Variants in SLAIN1 observed in about 807,000 individuals in gnomAD.
The protein encoded by SLAIN1 is SLAIN family member 1, also known as SLAIN motif-containing protein 1.
In SLAIN1, 17 loss-of-function variants were observed where a neutral mutation model predicts 55.4. The ratio of observed to expected loss-of-function variants is 0.31; its 90% CI spans 0.21 to 0.46. SLAIN1 has a LOEUF of 0.46. SLAIN1 is among the 20% of genes least tolerant of loss of function. The probability of loss-of-function intolerance (pLI) is 1.00; values close to 1 mark genes in which losing one functional copy is unlikely to be tolerated. For synonymous variants in SLAIN1, 348 were observed against 337.4 expected (o/e 1.03, Z -0.35); for missense variants, 682 against 785.1 (o/e 0.87, Z 1.57).
At chr13:77,712,510 G>A (rs937514470) in intron 1 of SLAIN1, among the ~76,000 whole-genome samples, 10 of 152,142 alleles carry the variant, frequency 6.6e-5, no homozygotes, top group Non-Finnish European at 1.3e-4. Context: ...CACAAGAAAT[G>A]TGAAGGACGT....
At chr13:77,712,994 AC>A (rs750903651) in intron 1 of SLAIN1, among the ~76,000 whole-genome samples, 133 of 152,322 alleles carry the variant, frequency 8.7e-4, no homozygotes, top group Non-Finnish European at 1.6e-3. Flanking sequence ...TGCTGGGAAA[AC>A]TGGCTAGCCA....
At chr13:77,713,564 C>T (rs1329617267) in intron 1 of SLAIN1, among the ~76,000 whole-genome samples, 2 of 152,174 alleles carry the variant, frequency 1.3e-5, no homozygotes, top group African/African-American at 4.8e-5. Context: ...CACTTTTACA[C>T]TGTTGGTGGG....
intron 1 of SLAIN1, among the ~76,000 whole-genome samples, chr13:77,708,975 G>T (rs902792396): frequency 5.9e-5 from 9 of 151,960 alleles, no homozygotes; most frequent in Non-Finnish European, 1.5e-5. Flanking sequence ...CCGAGCTAAA[G>T]GAGCATGTTC....
At chr13:77,740,237 C>G (rs964535542) in intron 2 of SLAIN1, among the ~76,000 whole-genome samples, 1 of 151,940 alleles carries the variant, frequency 6.6e-6, no homozygotes, top group Non-Finnish European at 1.5e-5. Flanking sequence ...ACATTCAGAA[C>G]AGGTTTGCTC....
intron 1 of SLAIN1, among the ~76,000 whole-genome samples, chr13:77,710,061 C>T (rs148742420): frequency 3.3e-5 from 5 of 152,056 alleles, no homozygotes; most frequent in East Asian, 1.9e-4. Context: ...TGTGAGCCAC[C>T]GCATCTGGCC....
At position 77,761,542 on chromosome 13, in the gene SLAIN1, C is replaced by A. The variant is rs188661014; in HGVS notation, c.1697+432C>A. ...TATCCCCGATGCCAAGAACTATGCCCAATACAGGTAGGATCTCAAATATTT... is the reference window on the plus strand; with the variant it reads ...TATCCCCGATGCCAAGAACTATGCCAAATACAGGTAGGATCTCAAATATTT... On this transcript the variant is annotated intron_variant, in intron 6 of 6. Coordinates refer to ENST00000418532, the MANE Select transcript of SLAIN1 (RefSeq NM_001242868.2). Among the ~76,000 whole-genome samples the A allele has an allele frequency of 1.8e-3, 279 of 152,218 alleles. 1 individual carries two copies. Among genetic ancestry groups the A allele is most frequent in the Non-Finnish European group, 2.8e-3 (190 of 68,006 alleles).
chr13:77,752,805 C>T (rs184941610), intron 4 of SLAIN1, among the ~76,000 whole-genome samples: 1 of 152,286 alleles, frequency 6.6e-6, no homozygotes, highest in Admixed American at 6.5e-5. Flanking sequence ...AAGTCTGCTC[C>T]TTCTGCATTC....
At chr13:77,718,098 G>GA (rs758491461) in intron 1 of SLAIN1, among the ~76,000 whole-genome samples, 45 of 146,622 alleles carry the variant, frequency 3.1e-4, no homozygotes, top group East Asian at 2.4e-3. Flanking sequence ...ACACTCTAAG[G>GA]AAAAAAAAAA....
At chr13:77,707,786 C>T (rs1380144879) in intron 1 of SLAIN1, among the ~76,000 whole-genome samples, 1 of 152,140 alleles carries the variant, frequency 6.6e-6, no homozygotes, top group Non-Finnish European at 1.5e-5. Context: ...TGTGGACTTC[C>T]ATTTAATGTT....
rs1351744773 is a variant in SLAIN1 at position 77,764,132 on chromosome 13, G to A, written c.*912G>A. The A allele has an allele frequency of 2.0e-5, 3 of 152,542 alleles. No homozygotes were observed. Among genetic ancestry groups the A allele is most frequent in the Admixed American group, 2.0e-4 (3 of 15,282 alleles). 9.4% of individuals were successfully genotyped at this position (152,542 alleles called of 1,614,324 possible). On this transcript the variant is annotated 3_prime_UTR_variant, in exon 7 of 7. Coordinates refer to ENST00000418532, the MANE Select transcript of SLAIN1 (RefSeq NM_001242868.2). ...GATAGACCTTTTACAAAATCCATTT[G>A]CACTAATGAATGCTTTCTTATGGCA... is the stretch of plus-strand genomic sequence containing the variant.
intron 1 of SLAIN1, among the ~76,000 whole-genome samples, chr13:77,711,531 G>C (rs1291525599): frequency 6.6e-6 from 1 of 152,144 alleles, no homozygotes; most frequent in Non-Finnish European, 1.5e-5. Context: ...CCAGGAAGAA[G>C]TCGAATCCCT....
rs1325323001 is a variant in SLAIN1 at position 77,698,115 on chromosome 13, G to T, written c.202G>T (p.Ala68Ser). Reference protein sequence around the residue: ...HLLLLPPPPPAAPPPAGLQPL... With the variant: ...HLLLLPPPPPSAPPPAGLQPL... ...GCTGCTGCTGCCGCCGCCGCCGCCC[G>T]CCGCGCCGCCCCCCGCTGGCCTGCA... Residue 68 changes from alanine to serine, a missense_variant, in exon 1 of 7, where the codon GCC becomes TCC. Around this residue, in one of 3 missense-constraint regions of SLAIN1, gnomAD observed 401 missense variants for 417.3 expected, o/e 0.96. Transcript: ENST00000418532. The surrounding 1 kb of genome is among the most constrained non-coding windows in gnomAD (Gnocchi z 4.1). The T allele has an allele frequency of 9.9e-7, 1 of 1,008,260 alleles. No homozygotes were observed. The highest frequency in any genetic ancestry group is 1.1e-6 in the Non-Finnish European group (1 of 872,340). 62.5% of individuals were successfully genotyped at this position (1,008,260 alleles called of 1,614,324 possible).
intron 1 of SLAIN1, chr13:77,699,036 A>T (rs2091003879): frequency 6.5e-7 from 1 of 1,535,320 alleles, no homozygotes; most frequent in Non-Finnish European, 8.7e-7. Context: ...CCGCGCAGTG[A>T]TGGATCTCTC....
At chr13:77,740,900 A>C (rs559459716) in intron 2 of SLAIN1, among the ~76,000 whole-genome samples, 15 of 152,136 alleles carry the variant, frequency 9.9e-5, no homozygotes, top group African/African-American at 3.6e-4. Context: ...CTAGTGGAGC[A>C]TTATTGTTTT....
In SLAIN1 at chr13:77,698,098, TGCCGCCGCC is replaced by T; in HGVS notation, c.192_200del (p.Pro65_Pro67del). 8.8e-7 allele frequency: 1 copy of T among 1,131,716 alleles called. No homozygotes were observed. Among genetic ancestry groups the T allele is most frequent in the Non-Finnish European group, 1.1e-6 (1 of 927,494 alleles). 70.1% of individuals were successfully genotyped at this position (1,131,716 alleles called of 1,614,324 possible). On this transcript the variant is annotated inframe_deletion, in exon 1 of 7. Coordinates refer to ENST00000418532, the MANE Select transcript of SLAIN1 (RefSeq NM_001242868.2). The surrounding 1 kb of genome is among the most constrained non-coding windows in gnomAD (Gnocchi z 4.1). ...GCCGCCGCCCCGCACCTGCTGCTGC[TGCCGCCGCC>T]GCCGCCCGCCGCGCCGCCCCCCGCT...
chr13:77,755,762 A>G (rs1244033891), intron 5 of SLAIN1, among the ~76,000 whole-genome samples: 1 of 152,212 alleles, frequency 6.6e-6, no homozygotes, highest in Non-Finnish European at 1.5e-5. Flanking sequence ...TATAAAAATC[A>G]TCATTTCTAA....
In SLAIN1 at chr13:77,697,922, G is replaced by T; in HGVS notation, c.9G>T (p.Ala3=). 1 of 1,410,684 alleles carries T rather than the reference G, an allele frequency of 7.1e-7. No homozygotes were observed. The allele number at this position is 1,410,684 out of a possible 1,614,324, so 87.4% of individuals were successfully genotyped here. Reference sequence around the variant, plus strand: ...CGCCCTCGGGGCCCACGATGATGGCGGAGCAGGTGAAATGCGCCTCGGCAG... The same window carrying T: ...CGCCCTCGGGGCCCACGATGATGGCTGAGCAGGTGAAATGCGCCTCGGCAG... MM[A]EQVKCASAGV... The change falls in exon 1 of 7, where the codon GCG becomes GCT. Residue 3 remains alanine (A), a synonymous_variant. Coordinates refer to ENST00000418532, the MANE Select transcript of SLAIN1 (RefSeq NM_001242868.2).
intron 2 of SLAIN1, among the ~76,000 whole-genome samples, chr13:77,732,294 A>G (rs1162522856): frequency 6.6e-6 from 1 of 152,148 alleles, no homozygotes; most frequent in African/African-American, 2.4e-5. Flanking sequence ...GAAGACTCTT[A>G]GTAAAAATCT....
rs1275243202 is a variant in SLAIN1 at position 77,763,149 on chromosome 13, C to A, written c.1702C>A (p.Leu568Ile). 1 of 1,613,574 alleles carries A rather than the reference C, an allele frequency of 6.2e-7. No homozygotes were observed. Among genetic ancestry groups the A allele is most frequent in the Non-Finnish European group, 8.5e-7 (1 of 1,179,672 alleles). The change falls in exon 7 of 7, where the codon CTT becomes ATT. Residue 568 changes from leucine (L) to isoleucine (I), a missense_variant. Transcript: ENST00000418532. ...SKIAQPVRSFLQPPKPLSSLS... is the reference protein window; with the variant it reads ...SKIAQPVRSFIQPPKPLSSLS... The stretch of plus-strand genomic sequence containing the variant: ...GTTTTTCTTGTCTCTTTTTAGTTTT[C>A]TTCAGCCTCCAAAGCCTCTGTCTTC...
Sources: allele counts gnomAD v4.1 joint callset (sites outside exome capture counted in the v4.1 genomes callset), GRCh38; gene constraint gnomAD v4.1.1; regional missense constraint gnomAD v4.1.1; non-coding constraint Gnocchi (gnomAD v3.1); transcripts MANE v1.5; gene names NCBI Gene and HGNC (gene_info 2026-07-23, HGNC 2026-07-21).